Variants in SLC12A6 observed in about 807,000 individuals in gnomAD.
SLC12A6 encodes solute carrier family 12 member 6.
Under a neutral mutation model 135.3 loss-of-function variants are expected in SLC12A6, and 66 were observed. The ratio of observed to expected loss-of-function variants is 0.49; its 90% CI spans 0.40 to 0.60. The LOEUF (loss-of-function observed/expected upper bound fraction) is 0.60. Ranked by LOEUF, SLC12A6 falls within the 20% of genes least tolerant of loss-of-function variation. The pLI is 0.00. For missense variants in SLC12A6, 1,058 were observed against 1,452.3 expected (o/e 0.73, Z 4.41); for synonymous variants, 513 against 508.8 (o/e 1.01, Z -0.11).
chr15:34,301,403 C>T (rs1896248115), intron 2 of SLC12A6, among the ~76,000 whole-genome samples: 2 of 152,120 alleles, frequency 1.3e-5, no homozygotes, highest in South Asian at 4.1e-4. Context: ...ATGAACTTTC[C>T]TAAAAGCCAA....
At chr15:34,248,611 T>C (rs955696662) in intron 13 of SLC12A6, among the ~76,000 whole-genome samples, 14 of 152,036 alleles carry the variant, frequency 9.2e-5, no homozygotes, top group South Asian at 2.1e-4. Context: ...GTTATATACA[T>C]ATATATATTG....
At chr15:34,235,430 G>GTTTTTTTTTT (rs1340964496) in intron 24 of SLC12A6, 116 bp from the exon 25 acceptor site, 7 of 539,686 alleles carry the variant, frequency 1.3e-5, no homozygotes, top group South Asian at 2.1e-5. Flanking sequence ...CTGATAAAAT[G>GTTTTTTTTTT]ATTTTTTTTT....
At chr15:34,236,934 G>A (rs1330727715) in intron 22 of SLC12A6, 119 bp from the exon 23 acceptor site, 2 of 707,686 alleles carry the variant, frequency 2.8e-6, no homozygotes, top group Non-Finnish European at 5.2e-6. Flanking sequence ...ATTAACCTAA[G>A]CTTCACCCTT....
intron 3 of SLC12A6, among the ~76,000 whole-genome samples, chr15:34,270,357 TA>T (rs1475210413): frequency 6.6e-6 from 1 of 152,134 alleles, no homozygotes; most frequent in African/African-American, 2.4e-5. Flanking sequence ...CTCAGCCTCC[TA>T]AAGTGCTGGG....
chr15:34,238,230 A>G lies in SLC12A6; in HGVS notation c.2802+2T>C, dbSNP rs752776265. 1 of 1,609,700 alleles carries G rather than the reference A, an allele frequency of 6.2e-7. No homozygotes were observed. The highest frequency in any genetic ancestry group is 8.5e-7 in the Non-Finnish European group (1 of 1,175,938). Reference sequence around the variant, plus strand: ...TTGTAAAAAAAAAGTTGTATAAAATACCTTGTGCTGTTTCAGTAGGAATGG... The same window carrying G: ...TTGTAAAAAAAAAGTTGTATAAAATGCCTTGTGCTGTTTCAGTAGGAATGG... On this transcript the variant is annotated splice_donor_variant, in intron 21 of 25. Transcript: ENST00000354181. LOFTEE classifies it high-confidence loss of function.
intron 3 of SLC12A6, among the ~76,000 whole-genome samples, chr15:34,275,123 G>A (rs1449830083): frequency 1.3e-5 from 2 of 151,908 alleles, no homozygotes; most frequent in Non-Finnish European, 2.9e-5. Flanking sequence ...CATAAACCAT[G>A]CAAAATTACT....
At chr15:34,285,930 T>A (rs1480565648) in intron 2 of SLC12A6, among the ~76,000 whole-genome samples, 4 of 151,074 alleles carry the variant, frequency 2.6e-5, no homozygotes, top group Admixed American at 1.3e-4. Flanking sequence ...TGGTAGGGAG[T>A]GGAAAATGGA....
chr15:34,286,842 T>C (rs570093892), intron 2 of SLC12A6, among the ~76,000 whole-genome samples: 1 of 152,202 alleles, frequency 6.6e-6, no homozygotes, highest in East Asian at 1.9e-4. Flanking sequence ...TATCTCCTAA[T>C]TCACAAGATA....
chr15:34,230,057 A>ACAT lies in SLC12A6; in HGVS notation c.*3821_*3823dup. The ACAT allele has an allele frequency of 2.2e-6, 1 of 445,498 alleles. No homozygotes were observed. The highest frequency in any genetic ancestry group is 4.6e-5 in the South Asian group (1 of 21,702). 27.6% of individuals were successfully genotyped at this position (445,498 alleles called of 1,614,324 possible). A position where few individuals can be genotyped will look rare whatever the true frequency, so the allele number is the denominator to read the frequency against. ...TACAGAGCAAAACAACAACAAAAAAACATAACTATGTAAACAAGAGAATAA... is the reference window on the plus strand; with the variant it reads ...TACAGAGCAAAACAACAACAAAAAAACATCATAACTATGTAAACAAGAGAATAA... On this transcript the variant is annotated 3_prime_UTR_variant, in exon 26 of 26. Coordinates refer to ENST00000354181, the MANE Select transcript of SLC12A6 (RefSeq NM_001365088.1).
chr15:34,239,204 G>A (rs756814702), intron 19 of SLC12A6, 44 bp from the exon 20 acceptor site: 18 of 1,406,330 alleles, frequency 1.3e-5, no homozygotes, highest in Non-Finnish European at 1.4e-5. Context: ...GTTCACTCTG[G>A]ACATTTTAAC....
intron 2 of SLC12A6, among the ~76,000 whole-genome samples, chr15:34,321,066 C>T (rs1052583215): frequency 7.2e-5 from 11 of 152,060 alleles, no homozygotes; most frequent in African/African-American, 2.2e-4. Flanking sequence ...TTAATCAACA[C>T]GAAAACAGAA....
intron 2 of SLC12A6, among the ~76,000 whole-genome samples, chr15:34,297,399 A>C (rs972948892): frequency 6.6e-6 from 1 of 152,252 alleles, no homozygotes; most frequent in Non-Finnish European, 1.5e-5. Context: ...TAGTCTCTAA[A>C]AGACTGAATT....
chr15:34,279,216 G>A (rs1427465032), intron 2 of SLC12A6, among the ~76,000 whole-genome samples: 1 of 152,032 alleles, frequency 6.6e-6, no homozygotes, highest in Admixed American at 6.6e-5. Flanking sequence ...TCAGGAGGCT[G>A]AGGCAGAGAA....
intron 3 of SLC12A6, among the ~76,000 whole-genome samples, chr15:34,274,164 A>C (rs1018091935): frequency 6.6e-6 from 1 of 152,232 alleles, no homozygotes; most frequent in Admixed American, 6.5e-5. Flanking sequence ...AGCACAATGA[A>C]ATACTCTTCC....
At position 34,336,691 on chromosome 15, in the gene SLC12A6, T is replaced by C; in HGVS notation, c.-11A>G. ...TTCTGGAGGATGCATTTTGTTCTTT[T>C]TAAGAACAAAAAAAGTGGGGGGAAC... On this transcript the variant is annotated 5_prime_UTR_variant, in exon 2 of 26. Coordinates refer to ENST00000354181, the MANE Select transcript of SLC12A6 (RefSeq NM_001365088.1). 1 of 1,613,236 alleles carries C rather than the reference T, an allele frequency of 6.2e-7. No homozygotes were observed. Among genetic ancestry groups the C allele is most frequent in the Non-Finnish European group, 8.5e-7 (1 of 1,179,360 alleles).
intron 2 of SLC12A6, among the ~76,000 whole-genome samples, chr15:34,320,778 G>A (rs1421916665): frequency 2.7e-5 from 4 of 148,412 alleles, no homozygotes; most frequent in Non-Finnish European, 3.0e-5. Flanking sequence ...TTAGCCAGGC[G>A]TGGTGGCGGG....
intron 2 of SLC12A6, among the ~76,000 whole-genome samples, chr15:34,309,192 C>G (rs2141056375): frequency 6.6e-6 from 1 of 152,244 alleles, no homozygotes; most frequent in East Asian, 1.9e-4. Context: ...ATTGTTTCCT[C>G]TTTCAGCCTG....
At chr15:34,315,177 T>C (rs1470678067) in intron 2 of SLC12A6, among the ~76,000 whole-genome samples, 1 of 152,246 alleles carries the variant, frequency 6.6e-6, no homozygotes, top group African/African-American at 2.4e-5. Context: ...ACTCCAATTT[T>C]GAAAGAAGTT....
At chr15:34,266,443 CATT>C (rs1263882392) in intron 3 of SLC12A6, among the ~76,000 whole-genome samples, 2 of 151,812 alleles carry the variant, frequency 1.3e-5, no homozygotes, top group African/African-American at 2.4e-5. Flanking sequence ...TTTTATTTAT[CATT>C]ATTATTATTT....
Sources: allele counts gnomAD v4.1 joint callset (sites outside exome capture counted in the v4.1 genomes callset), GRCh38; gene constraint gnomAD v4.1.1; transcripts MANE v1.5; gene names NCBI Gene and HGNC (gene_info 2026-07-23, HGNC 2026-07-21).